The following SHISA9 variants were observed in gnomAD, a reference collection of about 807,000 sequenced individuals.
SHISA9 encodes protein shisa-9.
A neutral mutation model predicts 38.0 loss-of-function variants in SHISA9; 13 were observed. The observed-to-expected ratio is 0.34, with a 90% CI of 0.22 to 0.54. The LOEUF (loss-of-function observed/expected upper bound fraction) is 0.54, where lower values mean the gene tolerates loss of function less well. Among genes scored for constraint, SHISA9 ranks in the 20% least tolerant of loss-of-function variants. SHISA9 has a pLI of 0.91. For missense variants in SHISA9, 538 were observed against 575.8 expected (o/e 0.93, Z 0.67); for synonymous variants, 275 against 242.0 (o/e 1.14, Z -1.27).
chr16:13,232,530 T>G (rs1471440966), intron 4 of SHISA9, among the ~76,000 whole-genome samples: 1 of 152,138 alleles, frequency 6.6e-6, no homozygotes, highest in African/African-American at 2.4e-5. Flanking sequence ...CAAATAGGAG[T>G]GACCATGGCC....
chr16:13,035,679 C>T (rs1308718907), intron 2 of SHISA9, among the ~76,000 whole-genome samples: 1 of 152,110 alleles, frequency 6.6e-6, no homozygotes, highest in Non-Finnish European at 1.5e-5. Flanking sequence ...TATGGGTACG[C>T]ACCACCATGC....
intron 2 of SHISA9, among the ~76,000 whole-genome samples, chr16:13,032,955 A>G (rs995219972): frequency 1.3e-5 from 2 of 152,156 alleles, no homozygotes; most frequent in African/African-American, 2.4e-5. Context: ...AAACCATGAG[A>G]TGTTACCAGG....
chr16:13,212,836 TG>T (rs1250695770), intron 3 of SHISA9, among the ~76,000 whole-genome samples: 1 of 152,208 alleles, frequency 6.6e-6, no homozygotes, highest in African/African-American at 2.4e-5. Flanking sequence ...GGGATTGCAG[TG>T]GAACACGATC....
intron 2 of SHISA9, among the ~76,000 whole-genome samples, chr16:13,134,820 G>C (rs938937415): frequency 6.6e-6 from 1 of 152,110 alleles, no homozygotes; most frequent in East Asian, 1.9e-4. Flanking sequence ...CCAATGTATG[G>C]AGTGCCTCTA....
the SHISA9 span, among the ~76,000 whole-genome samples, chr16:13,487,491 G>C: frequency 6.6e-6 from 1 of 152,326 alleles, no homozygotes; most frequent in African/African-American, 2.4e-5. Flanking sequence ...TAAATGACCA[G>C]ATCTTTCAAG....
intron 2 of SHISA9, among the ~76,000 whole-genome samples, chr16:12,923,229 A>G (rs1283543885): frequency 6.6e-6 from 1 of 152,220 alleles, no homozygotes; most frequent in African/African-American, 2.4e-5. Context: ...CATACTCCAT[A>G]TAAAATTGTG....
At chr16:12,990,241 C>T (rs1363065511) in intron 2 of SHISA9, among the ~76,000 whole-genome samples, 1 of 152,152 alleles carries the variant, frequency 6.6e-6, no homozygotes, top group Admixed American at 6.5e-5. Flanking sequence ...CAGCAGTGAA[C>T]ATACATGTGC....
At chr16:13,366,954 G>A in the SHISA9 span, among the ~76,000 whole-genome samples, 1 of 138,348 alleles carries the variant, frequency 7.2e-6, no homozygotes, top group East Asian at 2.1e-4. Context: ...CTGCACTCCA[G>A]CATGGGCAAC....
intron 2 of SHISA9, among the ~76,000 whole-genome samples, chr16:13,140,501 C>A (rs1596676360): frequency 6.6e-6 from 1 of 152,046 alleles, no homozygotes; most frequent in Non-Finnish European, 1.5e-5. Flanking sequence ...CTGGGGGTAC[C>A]TAAACATCTC....
chr16:13,114,181 A>G (rs1467591752), intron 2 of SHISA9, among the ~76,000 whole-genome samples: 2 of 152,066 alleles, frequency 1.3e-5, no homozygotes, highest in African/African-American at 2.4e-5. Flanking sequence ...AATAATACGA[A>G]AAAGGCTGGG....
intron 2 of SHISA9, among the ~76,000 whole-genome samples, chr16:12,960,407 C>T (rs535470611): frequency 1.3e-5 from 2 of 152,182 alleles, no homozygotes; most frequent in South Asian, 2.1e-4. Context: ...CCAGCAATCC[C>T]GTTAGTGGAT....
At chr16:13,251,081 C>T in the SHISA9 span, among the ~76,000 whole-genome samples, 6 of 152,260 alleles carry the variant, frequency 3.9e-5, no homozygotes, top group East Asian at 1.2e-3. Context: ...TTCACCCCCA[C>T]CCCGTCTTCC....
chr16:13,408,863 A>G, the SHISA9 span, among the ~76,000 whole-genome samples: 1 of 152,232 alleles, frequency 6.6e-6, no homozygotes, highest in Non-Finnish European at 1.5e-5. Flanking sequence ...TAATACAGAC[A>G]GGAGACAGGG....
intron 2 of SHISA9, among the ~76,000 whole-genome samples, chr16:13,127,213 GA>G (rs1287298486): frequency 4.6e-5 from 6 of 130,006 alleles, no homozygotes; most frequent in Non-Finnish European, 9.7e-5. Flanking sequence ...GGGAGAGAGG[GA>G]AAGAGAGGGA....
At position 12,914,380 on chromosome 16, in the gene SHISA9, A is replaced by T. The variant is rs190874104; in HGVS notation, c.564-2308A>T. On this transcript the variant is annotated intron_variant, in intron 1 of 4. Coordinates refer to ENST00000558583, the MANE Select transcript of SHISA9 (RefSeq NM_001145204.3). Reference sequence around the variant, plus strand: ...TAACATGTTTGTTTATTTTTTTTTTAAATCTTCTCCCATAGAATATAAGCT... The same window carrying T: ...TAACATGTTTGTTTATTTTTTTTTTTAATCTTCTCCCATAGAATATAAGCT... Among the ~76,000 whole-genome samples, 679 of 151,720 alleles carry T rather than the reference A, an allele frequency of 4.5e-3. 8 individuals are homozygous for T. The highest frequency in any genetic ancestry group is 0.016 in the African/African-American group (660 of 41,364).
chr16:13,272,546 G>A, the SHISA9 span, among the ~76,000 whole-genome samples: 1 of 152,042 alleles, frequency 6.6e-6, no homozygotes, highest in Non-Finnish European at 1.5e-5. Flanking sequence ...CAGTTCTTTT[G>A]AGTAAAATTG....
intron 2 of SHISA9, among the ~76,000 whole-genome samples, chr16:13,009,396 A>AGGATC (rs1445714275): frequency 6.6e-6 from 1 of 152,146 alleles, no homozygotes; most frequent in Non-Finnish European, 1.5e-5. Flanking sequence ...ATGAGAATGC[A>AGGATC]CACACCTTGC....
At chr16:13,377,027 T>A in the SHISA9 span, among the ~76,000 whole-genome samples, 2 of 152,116 alleles carry the variant, frequency 1.3e-5, no homozygotes, top group Non-Finnish European at 2.9e-5. Flanking sequence ...GGAAAGTTAA[T>A]GAGAAAAAAA....
chr16:13,239,116 T>C lies in SHISA9; in HGVS notation c.*3707T>C, dbSNP rs2051413776. On this transcript the variant is annotated 3_prime_UTR_variant, in exon 5 of 5. Transcript: ENST00000558583. ...TTTTTTTGTCCTTGCGATAGTTTAC[T>C]GAGAATGATGATTTCCAATTTCATC... The C allele has an allele frequency of 6.6e-6, 1 of 151,368 alleles. No homozygotes were observed. Among genetic ancestry groups the C allele is most frequent in the Non-Finnish European group, 1.5e-5 (1 of 67,894 alleles). The allele number at this position is 151,368 out of a possible 1,614,324, so 9.4% of individuals were successfully genotyped here. A position where few individuals can be genotyped will look rare whatever the true frequency, so the allele number is the denominator to read the frequency against.
Sources: gnomAD v4.1 joint callset for allele counts (sites outside exome capture counted in the v4.1 genomes callset) on GRCh38, gnomAD v4.1.1 for gene constraint, MANE v1.5 for transcripts, NCBI Gene and HGNC (gene_info 2026-07-23, HGNC 2026-07-21) for gene names.